The following WDPCP variants were observed in gnomAD, a reference collection of about 807,000 sequenced individuals.
WDPCP encodes the protein WD repeat-containing and planar cell polarity effector protein fritz homolog.
In WDPCP, 71 loss-of-function variants were observed where a neutral mutation model predicts 93.1. That is an observed-to-expected ratio of 0.76 (90% confidence interval 0.63 to 0.93). The LOEUF (loss-of-function observed/expected upper bound fraction) is 0.93. Among genes scored for constraint, WDPCP ranks in the 40% least tolerant of loss-of-function variants. The pLI is 0.00. For missense variants in WDPCP, 844 were observed against 887.4 expected (o/e 0.95, Z 0.62); for synonymous variants, 315 against 315.0 (o/e 1.00, Z 0.00).
At chr2:63,550,757 A>T in intron 1 of WDPCP, among the ~76,000 whole-genome samples, 1 of 141,066 alleles carries the variant, frequency 7.1e-6, no homozygotes, top group Middle Eastern at 3.6e-3. Context: ...GTGTATATAT[A>T]TACACATATA....
chr2:63,263,225 G>T (rs1157104987), intron 13 of WDPCP, among the ~76,000 whole-genome samples: 1 of 152,082 alleles, frequency 6.6e-6, no homozygotes, highest in African/African-American at 2.4e-5. Context: ...ATTTAGCCTA[G>T]GAATTTAGTT....
intron 15 of WDPCP, among the ~76,000 whole-genome samples, chr2:63,164,621 G>T (rs981679718): frequency 6.6e-6 from 1 of 152,088 alleles, no homozygotes; most frequent in African/African-American, 2.4e-5. Flanking sequence ...GAGTAAGAGT[G>T]AGCCAATTAA....
At chr2:63,708,690 T>G (rs1039650504) in intron 2 of WDPCP, among the ~76,000 whole-genome samples, 18 of 152,114 alleles carry the variant, frequency 1.2e-4, no homozygotes, top group African/African-American at 4.1e-4. Flanking sequence ...CAGTTGGAAA[T>G]GCAGAAATCA....
rs1462893881 is a variant in WDPCP, at chr2:63,338,564, AAAAAAATATATAT to A, written c.1749-25266_1749-25254del. On this transcript the variant is annotated intron_variant, in intron 12 of 17. Coordinates refer to ENST00000272321, the MANE Select transcript of WDPCP (RefSeq NM_015910.7). ...CAAAACTCCATCTAAAAAAAAAAAA[AAAAAAATATATAT>A]ATATATATATATATATATATATATA... Among the ~76,000 whole-genome samples, 190 of 23,336 alleles carry A rather than the reference AAAAAAATATATAT, an allele frequency of 8.1e-3. 4 individuals carry two copies. Among genetic ancestry groups the A allele is most frequent in the South Asian group, 0.011 (5 of 458 alleles). The allele number at this position is 23,336 out of a possible 152,430, so 15.3% of individuals were successfully genotyped here.
chr2:63,838,485 G>C, the WDPCP span, among the ~76,000 whole-genome samples: 2 of 152,116 alleles, frequency 1.3e-5, no homozygotes, highest in African/African-American at 4.8e-5. Flanking sequence ...TGGCTTCCAG[G>C]CTTTCTTTCT....
At chr2:63,197,310 TATATA>T (rs1363978930) in intron 14 of WDPCP, among the ~76,000 whole-genome samples, 4 of 152,206 alleles carry the variant, frequency 2.6e-5, no homozygotes, top group Admixed American at 6.5e-5. Context: ...AAGAAGATAG[TATATA>T]ATATAACATA....
At chr2:63,715,366 T>C (rs1354224221) in intron 2 of WDPCP, among the ~76,000 whole-genome samples, 1 of 152,214 alleles carries the variant, frequency 6.6e-6, no homozygotes, top group Non-Finnish European at 1.5e-5. Context: ...ATGATGCAAC[T>C]CAGAATACCC....
intron 1 of WDPCP, among the ~76,000 whole-genome samples, chr2:63,557,582 G>A (rs1706225026): frequency 6.6e-6 from 1 of 151,954 alleles, no homozygotes; most frequent in South Asian, 2.1e-4. Flanking sequence ...ACACCCCACT[G>A]TCAATATTAG....
Position 63,381,953 on chromosome 2 carries a change from G to A in WDPCP, c.1577C>T (p.Ala526Val), listed in dbSNP as rs1692345748. The change falls in exon 11 of 18, where the codon GCC becomes GTC. Residue 526 changes from alanine to valine, a missense_variant. Physicochemically the swap from Ala to Val is moderately conservative, Grantham distance 64. Transcript: ENST00000272321. ...CTGTCTAAGAAGATGGTTTACAATG[G>A]CGCTCATGCTGATAAAGCACTGGTG... Reference protein sequence around the residue: ...LGHQCFISMSAIVNHLLRQKL... With the variant: ...LGHQCFISMSVIVNHLLRQKL... The A allele has an allele frequency of 4.3e-6, 7 of 1,613,430 alleles. No homozygotes were observed. The highest frequency in any genetic ancestry group is 5.9e-6 in the Non-Finnish European group (7 of 1,179,692).
At chr2:63,703,818 T>C (rs1048052002) in intron 2 of WDPCP, among the ~76,000 whole-genome samples, 1 of 152,190 alleles carries the variant, frequency 6.6e-6, no homozygotes, top group African/African-American at 2.4e-5. Context: ...TTAAAGTAGT[T>C]TTTTCCCATT....
chr2:63,282,331 C>T (rs997687649), intron 13 of WDPCP, among the ~76,000 whole-genome samples: 2 of 152,092 alleles, frequency 1.3e-5, no homozygotes, highest in African/African-American at 4.8e-5. Flanking sequence ...ATGGTGAAAC[C>T]CTGTCTCTAC....
intron 15 of WDPCP, among the ~76,000 whole-genome samples, chr2:63,155,358 G>C (rs1394123312): frequency 6.6e-6 from 1 of 152,150 alleles, no homozygotes; most frequent in African/African-American, 2.4e-5. Context: ...GCATAGATGT[G>C]TATTGTGCCA....
chr2:63,440,073 A>G lies in WDPCP; in HGVS notation c.385-202T>C, dbSNP rs1697404608. ...AAAGGTGGCTAAAGGATGCAACACA[A>G]TAAATGCATTGATTAAAGCTACATG... On this transcript the variant is annotated intron_variant, in intron 6 of 17. Transcript: ENST00000272321. 10 of 549,592 alleles carry G rather than the reference A, an allele frequency of 1.8e-5. No individual in the cohort carries two copies. In the South Asian group the frequency reaches 2.1e-4, roughly 12 times the overall value. The allele number at this position is 549,592 out of a possible 1,614,324, so 34.0% of individuals were successfully genotyped here.
At chr2:63,270,582 G>A (rs146077331) in intron 13 of WDPCP, among the ~76,000 whole-genome samples, 12 of 152,282 alleles carry the variant, frequency 7.9e-5, no homozygotes, top group Non-Finnish European at 1.6e-4. Flanking sequence ...ATTGAATACA[G>A]CATTTAAGAG....
chr2:63,337,009 T>C (rs984110238), intron 12 of WDPCP, among the ~76,000 whole-genome samples: 16 of 150,436 alleles, frequency 1.1e-4, no homozygotes, highest in Non-Finnish European at 1.9e-4. Flanking sequence ...TTCTCCTGCC[T>C]CGGCCTCCTG....
Position 63,161,264 on chromosome 2 carries a change from C to T in WDPCP, c.2079-7690G>A, listed in dbSNP as rs140611425. Among the ~76,000 whole-genome samples, 63 of 152,294 alleles carry T rather than the reference C, an allele frequency of 4.1e-4. 2 individuals carry two copies. In the East Asian group the frequency reaches 0.012, roughly 29 times the overall value. ...CAGGAAACACCAAAGACAAAAGCAT[C>T]TATTATTTAGTTATAATTTTTGCAT... On this transcript the variant is annotated intron_variant, in intron 15 of 17. Coordinates refer to ENST00000272321, the MANE Select transcript of WDPCP (RefSeq NM_015910.7).
intron 1 of WDPCP, among the ~76,000 whole-genome samples, chr2:63,540,709 TCA>T (rs1704644480): frequency 6.6e-6 from 1 of 152,336 alleles, no homozygotes; most frequent in East Asian, 1.9e-4. Flanking sequence ...ATTCTATATT[TCA>T]GTTTTTAATT....
chr2:63,460,281 C>T (rs1224298468), intron 6 of WDPCP, among the ~76,000 whole-genome samples: 1 of 152,012 alleles, frequency 6.6e-6, no homozygotes, highest in African/African-American at 2.4e-5. Flanking sequence ...GAGCTAAAAG[C>T]TTGACCTCAT....
intron 2 of WDPCP, among the ~76,000 whole-genome samples, chr2:63,731,267 C>CA (rs532671655): frequency 0.029 from 1,700 of 59,576 alleles, 18 homozygotes; most frequent in Middle Eastern, 0.08. Flanking sequence ...GAATCCGTCT[C>CA]AAAAAAAAAA....
Sources: gnomAD v4.1 joint callset for allele counts (sites outside exome capture counted in the v4.1 genomes callset) on GRCh38, gnomAD v4.1.1 for gene constraint, MANE v1.5 for transcripts, NCBI Gene and HGNC (gene_info 2026-07-23, HGNC 2026-07-21) for gene names.